The following PAX7 variants were observed in gnomAD, a reference collection of about 807,000 sequenced individuals.
PAX7 encodes paired box 7, also known as paired box protein Pax-7.
A neutral mutation model predicts 50.7 loss-of-function variants in PAX7; 18 were observed. That is an observed-to-expected ratio of 0.36 (90% CI 0.25 to 0.53). PAX7 has a LOEUF of 0.53. Among genes scored for constraint, PAX7 ranks in the 20% least tolerant of loss-of-function variants. PAX7 has a pLI of 0.93. For synonymous variants in PAX7, 310 were observed against 290.4 expected (o/e 1.07, Z -0.69); for missense variants, 644 against 702.9 (o/e 0.92, Z 0.95).
intron 5 of PAX7, among the ~76,000 whole-genome samples, chr1:18,696,114 G>C (rs1437391448): frequency 6.9e-6 from 1 of 145,114 alleles, no homozygotes; most frequent in Non-Finnish European, 1.5e-5. Flanking sequence ...CGCCCAGGCT[G>C]GAGTGCAATG....
intron 4 of PAX7, among the ~76,000 whole-genome samples, chr1:18,669,404 T>A (rs575017317): frequency 6.6e-6 from 1 of 152,172 alleles, no homozygotes; most frequent in Non-Finnish European, 1.5e-5. Flanking sequence ...TCAGGAGATC[T>A]GCTGTTGGCC....
At position 18,744,823 on chromosome 1, in the gene PAX7, A is replaced by G. The variant is rs1931358304; in HGVS notation, c.1412A>G (p.Asp471Gly). 2 of 1,552,262 alleles carry G rather than the reference A, an allele frequency of 1.3e-6. No individual in the cohort carries two copies. Among genetic ancestry groups the G allele is most frequent in the Non-Finnish European group, 1.7e-6 (2 of 1,146,816 alleles). Residue 471 changes from aspartate (D) to glycine (G), a missense_variant, in exon 9 of 9, where the codon GAT becomes GGT. By Grantham distance (94) the Asp-to-Gly change is moderately conservative. Transcript: ENST00000420770. The stretch of plus-strand genomic sequence containing the variant: ...CTCTTCTTTTTTCCAGCTGCTGTTG[A>G]TTATCTGGCCAAAAATGTGAGCCTC... ...QYGQYGQTAVDYLAKNVSLST... is the reference protein window; with the variant it reads ...QYGQYGQTAVGYLAKNVSLST...
chr1:18,667,139 T>G (rs961691296), intron 4 of PAX7, among the ~76,000 whole-genome samples: 6 of 152,136 alleles, frequency 3.9e-5, no homozygotes, highest in African/African-American at 1.4e-4. Context: ...ACCAGCTGAG[T>G]TGAGGAGTCA....
intron 4 of PAX7, among the ~76,000 whole-genome samples, chr1:18,663,293 G>T (rs931495754): frequency 6.6e-6 from 1 of 152,226 alleles, no homozygotes; most frequent in Non-Finnish European, 1.5e-5. Context: ...TTGTACAGAT[G>T]ATAAGACTGA....
intron 7 of PAX7, among the ~76,000 whole-genome samples, chr1:18,715,131 A>G (rs920626998): frequency 6.6e-6 from 1 of 152,082 alleles, no homozygotes; most frequent in Non-Finnish European, 1.5e-5. Flanking sequence ...TCTGCCTCCA[A>G]GCCTTTGTAC....
At position 18,693,231 on chromosome 1, in the gene PAX7, C is replaced by T. The variant is rs1039102505; in HGVS notation, c.786+1278C>T. Reference sequence around the variant, plus strand: ...AGGGGCCACCCCAAACTGCTGACGGCGGGCACTTCCATCCAAGAGGAGCCA... The same window carrying T: ...AGGGGCCACCCCAAACTGCTGACGGTGGGCACTTCCATCCAAGAGGAGCCA... On this transcript the variant is annotated intron_variant, in intron 5 of 8. Coordinates refer to ENST00000420770, the MANE Select transcript of PAX7 (RefSeq NM_001135254.2). 1.3e-4 allele frequency among the ~76,000 whole-genome samples: 20 copies of T among 152,160 alleles called. 2 individuals carry two copies. Among genetic ancestry groups the T allele is most frequent in the East Asian group, 3.9e-4 (2 of 5,162 alleles).
At chr1:18,701,593 A>G (rs1343102657) in intron 6 of PAX7, among the ~76,000 whole-genome samples, 1 of 152,016 alleles carries the variant, frequency 6.6e-6, no homozygotes, top group Non-Finnish European at 1.5e-5. Flanking sequence ...CTGGGACCTC[A>G]TTTTCTTGCC....
intron 4 of PAX7, among the ~76,000 whole-genome samples, chr1:18,660,181 G>A (rs2088580993): frequency 6.6e-6 from 1 of 152,072 alleles, no homozygotes; most frequent in Non-Finnish European, 1.5e-5. Flanking sequence ...TTGGAGCTTG[G>A]CTCTTTGACT....
At chr1:18,648,808 C>A (rs184752793) in intron 4 of PAX7, among the ~76,000 whole-genome samples, 2 of 152,184 alleles carry the variant, frequency 1.3e-5, no homozygotes, top group Non-Finnish European at 2.9e-5. Flanking sequence ...ATGGATTCAC[C>A]GAGCCGAGAA....
chr1:18,722,201 G>A (rs777612817), intron 7 of PAX7, among the ~76,000 whole-genome samples: 4 of 152,206 alleles, frequency 2.6e-5, no homozygotes, highest in African/African-American at 9.7e-5. Context: ...CAGGGTCATG[G>A]AGTGGGGTCG....
rs574101895 is a variant in PAX7 at position 18,655,292 on chromosome 1, G to A, written c.586+18921G>A. Among the ~76,000 whole-genome samples, 8 of 152,310 alleles carry A rather than the reference G, an allele frequency of 5.3e-5. No homozygotes were observed. The East Asian group carries it at 1.4e-3, about 26-fold the overall frequency. On this transcript the variant is annotated intron_variant, in intron 4 of 8. Coordinates refer to ENST00000420770, the MANE Select transcript of PAX7 (RefSeq NM_001135254.2). ...ATGACTACAGAGCTTAGAAATGCAGGTGGCACGTCCCCTCCGTAGATGAAG... is the reference window on the plus strand; with the variant it reads ...ATGACTACAGAGCTTAGAAATGCAGATGGCACGTCCCCTCCGTAGATGAAG...
intron 7 of PAX7, among the ~76,000 whole-genome samples, chr1:18,734,268 G>A (rs1414391397): frequency 6.6e-6 from 1 of 152,134 alleles, no homozygotes; most frequent in Non-Finnish European, 1.5e-5. Context: ...CTCGGTGCTG[G>A]GCAGATTATC....
intron 8 of PAX7, among the ~76,000 whole-genome samples, chr1:18,736,955 T>G (rs1241954068): frequency 6.6e-6 from 1 of 152,252 alleles, no homozygotes; most frequent in Non-Finnish European, 1.5e-5. Context: ...CCGCAGGGCA[T>G]GGGAAAGCTG....
chr1:18,704,996 C>T (rs1402222193), intron 7 of PAX7, among the ~76,000 whole-genome samples: 2 of 152,172 alleles, frequency 1.3e-5, no homozygotes, highest in Non-Finnish European at 2.9e-5. Context: ...GAGTGAGTGC[C>T]CAGTACCTGT....
chr1:18,744,873 G>T lies in PAX7; in HGVS notation c.1462G>T (p.Gly488Trp). Reference sequence around the variant, plus strand: ...CTCCACCCAGCGTCGCATGAAGCTCGGGGAGCACTCTGCTGTGCTGGGACT... The same window carrying T: ...CTCCACCCAGCGTCGCATGAAGCTCTGGGAGCACTCTGCTGTGCTGGGACT... ...SLSTQRRMKLGEHSAVLGLLP... is the reference protein window; with the variant it reads ...SLSTQRRMKLWEHSAVLGLLP... The change falls in exon 9 of 9, where the codon GGG becomes TGG. Residue 488 changes from glycine (G) to tryptophan (W), a missense_variant. Transcript: ENST00000420770. The T allele has an allele frequency of 6.4e-7, 1 of 1,558,746 alleles. No homozygotes were observed. The highest frequency in any genetic ancestry group is 8.7e-7 in the Non-Finnish European group (1 of 1,151,010).
At chr1:18,677,615 A>G (rs1244596290) in intron 4 of PAX7, among the ~76,000 whole-genome samples, 2 of 152,136 alleles carry the variant, frequency 1.3e-5, no homozygotes. Context: ...GTGGGGATAG[A>G]CGGGAAGCTG....
At chr1:18,639,286 A>G (rs2088210112) in intron 4 of PAX7, among the ~76,000 whole-genome samples, 1 of 152,202 alleles carries the variant, frequency 6.6e-6, no homozygotes, top group Non-Finnish European at 1.5e-5. Context: ...ACAAACGTTA[A>G]GTTGAAGGGT....
chr1:18,696,378 T>C (rs1397985833), intron 5 of PAX7, among the ~76,000 whole-genome samples: 1 of 152,198 alleles, frequency 6.6e-6, no homozygotes, highest in Non-Finnish European at 1.5e-5. Flanking sequence ...TCATGGTGCA[T>C]TTTTTATGTG....
chr1:18,669,077 T>C (rs571147963), intron 4 of PAX7, among the ~76,000 whole-genome samples: 220 of 152,350 alleles, frequency 1.4e-3, no homozygotes, highest in Non-Finnish European at 2.8e-3. Flanking sequence ...TTGGTTTTCC[T>C]TGGGGGCCCT....
Sources: gnomAD v4.1 joint callset for allele counts (sites outside exome capture counted in the v4.1 genomes callset) on GRCh38, gnomAD v4.1.1 for gene constraint, MANE v1.5 for transcripts, NCBI Gene and HGNC (gene_info 2026-07-23, HGNC 2026-07-21) for gene names.